The following FOXK1 variants were observed in gnomAD, a reference collection of about 807,000 sequenced individuals.
FOXK1 encodes forkhead box protein K1.
Under a neutral mutation model 51.9 loss-of-function variants are expected in FOXK1, and 19 were observed. The observed-to-expected ratio is 0.37, with a 90% CI of 0.26 to 0.54. The LOEUF (loss-of-function observed/expected upper bound fraction) is 0.54. Ranked by LOEUF, FOXK1 falls within the 20% of genes least tolerant of loss-of-function variation. The pLI is 0.87. For synonymous variants in FOXK1, 537 were observed against 482.6 expected, an observed-to-expected ratio of 1.11 and a Z score of -1.48; for missense variants, 870 against 1,032.7, an observed-to-expected ratio of 0.84 and a Z score of 2.16.
At chr7:4,732,834 C>T (rs953711170) in intron 1 of FOXK1, among the ~76,000 whole-genome samples, 3 of 152,206 alleles carry the variant, frequency 2.0e-5, no homozygotes, top group African/African-American at 4.8e-5. Flanking sequence ...CGCGGGTCTG[C>T]GCTGCACGCC....
intron 2 of FOXK1, among the ~76,000 whole-genome samples, chr7:4,744,446 A>G (rs1404788514): frequency 6.6e-6 from 1 of 151,982 alleles, no homozygotes; most frequent in African/African-American, 2.4e-5. Flanking sequence ...CATTGTTTCG[A>G]TCTTCCTGTT....
chr7:4,704,475 A>G (rs554308853), intron 1 of FOXK1, among the ~76,000 whole-genome samples: 16 of 151,668 alleles, frequency 1.1e-4, no homozygotes, highest in East Asian at 1.9e-4. Flanking sequence ...AAAAGAAAAG[A>G]AAAGGAAACA....
rs1562371851 is a variant in FOXK1, at chr7:4,703,337, G to T, written c.560+20469G>T. Among the ~76,000 whole-genome samples the T allele has an allele frequency of 6.6e-6, 1 of 152,224 alleles. No homozygotes were observed. The highest frequency in any genetic ancestry group is 2.4e-5 in the African/African-American group (1 of 41,452). On this transcript the variant is annotated intron_variant, in intron 1 of 8. Coordinates refer to ENST00000328914, the MANE Select transcript of FOXK1 (RefSeq NM_001037165.2). The surrounding 1 kb of genome is among the most constrained non-coding windows in gnomAD (Gnocchi z 5.6). ...GGGGGCAGAGCATTTAGGACATGGA[G>T]TGGGTAGGGCGTTGTGACAGCCTGG... is the stretch of plus-strand genomic sequence containing the variant.
At chr7:4,686,471 C>T (rs1583178111) in intron 1 of FOXK1, among the ~76,000 whole-genome samples, 2 of 152,196 alleles carry the variant, frequency 1.3e-5, no homozygotes. Context: ...TAGAGCTGAT[C>T]TTGCTCTACT....
chr7:4,705,778 C>CG (rs202180152), intron 1 of FOXK1, among the ~76,000 whole-genome samples: 5 of 148,996 alleles, frequency 3.4e-5, no homozygotes, highest in African/African-American at 5.0e-5. Context: ...ACCTCGTGAC[C>CG]CCCCCCCGCC....
In FOXK1 at chr7:4,726,437, T is replaced by C. The variant is rs368075316; in HGVS notation, c.561-14401T>C. On this transcript the variant is annotated intron_variant, in intron 1 of 8. Coordinates refer to ENST00000328914, the MANE Select transcript of FOXK1 (RefSeq NM_001037165.2). ...GAGTTCGAGACCAGCCTGACCAACA[T>C]GATGAAACCCTGTCTCTACTAAAAA... is the stretch of plus-strand genomic sequence containing the variant. Among the ~76,000 whole-genome samples the C allele has an allele frequency of 2.6e-5, 4 of 152,072 alleles. 1 individual carries two copies. The highest frequency in any genetic ancestry group is 3.9e-4 in the East Asian group (2 of 5,194).
intron 1 of FOXK1, among the ~76,000 whole-genome samples, chr7:4,721,466 A>C (rs1360201200): frequency 3.9e-5 from 6 of 152,172 alleles, no homozygotes. Context: ...GTCGGCTGTC[A>C]GTTAACTTCA....
rs1780512569 is a variant in FOXK1 at position 4,733,785 on chromosome 7, A to T, written c.561-7053A>T. 6.6e-6 allele frequency among the ~76,000 whole-genome samples: 1 copy of T among 152,084 alleles called. No individual in the cohort carries two copies. Among genetic ancestry groups the T allele is most frequent in the Admixed American group, 6.6e-5 (1 of 15,262 alleles). ...GGGTCTGCTGTTTCTCTCACGGGAG[A>T]GGCTGCTCTGAGGTCCCCGAAGCTG... On this transcript the variant is annotated intron_variant, in intron 1 of 8. Coordinates refer to ENST00000328914, the MANE Select transcript of FOXK1 (RefSeq NM_001037165.2). This position sits in a 1 kb window ranked among gnomAD's most constrained non-coding sequence, Gnocchi z 5.0.
Position 4,755,130 on chromosome 7 carries a change from C to T in FOXK1, c.904-107C>T, listed in dbSNP as rs1369926611. On this transcript the variant is annotated intron_variant, in intron 3 of 8. Coordinates refer to ENST00000328914, the MANE Select transcript of FOXK1 (RefSeq NM_001037165.2). The surrounding 1 kb of genome is among the most constrained non-coding windows in gnomAD (Gnocchi z 6.6). ...GGCACTGGGACGGGTGCCGGCAAGA[C>T]GCGCACATTCTCGTGGGAAGGTTCC... 1.2e-5 allele frequency: 17 copies of T among 1,417,544 alleles called. No individual in the cohort carries two copies. The highest frequency in any genetic ancestry group is 7.9e-5 in the Admixed American group (4 of 50,828). The allele number at this position is 1,417,544 out of a possible 1,614,324, so 87.8% of individuals were successfully genotyped here.
chr7:4,767,507 C>T lies in FOXK1; in HGVS notation c.*5043C>T, dbSNP rs529638626. 6.6e-6 allele frequency: 1 copy of T among 152,354 alleles called. No individual in the cohort carries two copies. Among genetic ancestry groups the T allele is most frequent in the South Asian group, 2.1e-4 (1 of 4,834 alleles). 9.4% of individuals were successfully genotyped at this position (152,354 alleles called of 1,614,324 possible). A position where few individuals can be genotyped will look rare whatever the true frequency, so the allele number is the denominator to read the frequency against. On this transcript the variant is annotated 3_prime_UTR_variant, in exon 9 of 9. Coordinates refer to ENST00000328914, the MANE Select transcript of FOXK1 (RefSeq NM_001037165.2). This position sits in a 1 kb window ranked among gnomAD's most constrained non-coding sequence, Gnocchi z 6.6. ...AAAGCAATATTATTTAATGAGAATA[C>T]TTTACATTGCTCACATGTGCTGCTA...
intron 2 of FOXK1, among the ~76,000 whole-genome samples, chr7:4,746,800 C>T (rs1202452499): frequency 6.6e-6 from 1 of 152,248 alleles, no homozygotes; most frequent in Non-Finnish European, 1.5e-5. Flanking sequence ...AGCGGGAATC[C>T]TGCCTGGCTG....
In FOXK1 at chr7:4,758,823, C is replaced by G; in HGVS notation, c.1245-228C>G. 1 of 570,594 alleles carries G rather than the reference C, an allele frequency of 1.8e-6. No individual in the cohort carries two copies. The highest frequency in any genetic ancestry group is 3.1e-6 in the Non-Finnish European group (1 of 324,604). 35.3% of individuals were successfully genotyped at this position (570,594 alleles called of 1,614,324 possible). ...TTCACTGCAGCACCTCACATGATAC[C>G]GTCCCCTCTCATGGAACGGAGCCTC... On this transcript the variant is annotated intron_variant, in intron 5 of 8. Coordinates refer to ENST00000328914, the MANE Select transcript of FOXK1 (RefSeq NM_001037165.2). This position sits in a 1 kb window ranked among gnomAD's most constrained non-coding sequence, Gnocchi z 4.4.
rs1385067696 is a variant in FOXK1, at chr7:4,761,512, G to C, written c.1921+224G>C. Among the ~76,000 whole-genome samples the C allele has an allele frequency of 6.6e-6, 1 of 152,172 alleles. No homozygotes were observed. The highest frequency in any genetic ancestry group is 1.5e-5 in the Non-Finnish European group (1 of 68,044). ...GGAGGCCAAGGCAGGCAGATCGCTT[G>C]AGCTCAGGAGTTCGAGACCAGCCCG... On this transcript the variant is annotated intron_variant, in intron 8 of 8. Transcript: ENST00000328914. The surrounding 1 kb of genome is among the most constrained non-coding windows in gnomAD (Gnocchi z 6.2).
At position 4,682,485 on chromosome 7, in the gene FOXK1, G is replaced by T. The variant is rs1317553706; in HGVS notation, c.177G>T (p.Pro59=). The change falls in exon 1 of 9, where the codon CCG becomes CCT. Residue 59 remains proline (P), a synonymous_variant. Transcript: ENST00000328914. This position sits in a 1 kb window ranked among gnomAD's most constrained non-coding sequence, Gnocchi z 7.6. ...GGCCGCCGCCGCCGCCGCCACCGCC[G>T]CTGCCTCCGGGCGCGATCGCGGGCG... ...PPGPPPPPPP[P]LPPGAIAGAG... is the part of the protein sequence containing the mutation. 3.0e-6 allele frequency: 3 copies of T among 1,001,200 alleles called. No homozygotes were observed. Among genetic ancestry groups the T allele is most frequent in the Non-Finnish European group, 3.6e-6 (3 of 842,354 alleles). The allele number at this position is 1,001,200 out of a possible 1,614,324, so 62.0% of individuals were successfully genotyped here.
chr7:4,744,631 AAGCTCTTGC>A (rs1460948999), intron 2 of FOXK1, among the ~76,000 whole-genome samples: 4 of 152,244 alleles, frequency 2.6e-5, no homozygotes, highest in African/African-American at 7.2e-5. Context: ...TGAGCACCTG[AAGCTCTTGC>A]AGCTGGAGCT....
intron 1 of FOXK1, among the ~76,000 whole-genome samples, chr7:4,737,058 TGTGCATGTGCGTGTGC>T (rs1378317505): frequency 6.6e-6 from 1 of 152,218 alleles, no homozygotes; most frequent in African/African-American, 2.4e-5. Context: ...TGTGCGTGTG[TGTGCATGTGCGTGTGC>T]AAATGTCTTA....
rs1484011443 is a variant in FOXK1, at chr7:4,757,011, C to T, written c.1068C>T (p.Asn356=). The T allele has an allele frequency of 3.7e-6, 6 of 1,613,590 alleles. No homozygotes were observed. The highest frequency in any genetic ancestry group is 1.7e-4 in the Middle Eastern group (1 of 5,916). Residue 356 remains asparagine (N), a synonymous_variant, in exon 5 of 9, where the codon AAC becomes AAT. Coordinates refer to ENST00000328914, the MANE Select transcript of FOXK1 (RefSeq NM_001037165.2). ...CCCTGCAGAATTCTATCCGGCACAA[C>T]CTCTCTTTGAACCGTTACTTTATCA... The part of the protein sequence containing the change: ...DKGWQNSIRH[N]LSLNRYFIKV...
rs1249922990 is a variant in FOXK1, at chr7:4,709,280, T to G, written c.560+26412T>G. Among the ~76,000 whole-genome samples, 1 of 152,056 alleles carries G rather than the reference T, an allele frequency of 6.6e-6. No homozygotes were observed. Among genetic ancestry groups the G allele is most frequent in the Non-Finnish European group, 1.5e-5 (1 of 68,006 alleles). On this transcript the variant is annotated intron_variant, in intron 1 of 8. Transcript: ENST00000328914. The surrounding 1 kb of genome is among the most constrained non-coding windows in gnomAD (Gnocchi z 5.6). ...AATCCCACTGCATGTTTTGGATCTG[T>G]CCGGGATCCCTCCTTGTTAGGCCAG...
At chr7:4,742,305 C>G (rs1780644487) in intron 2 of FOXK1, among the ~76,000 whole-genome samples, 1 of 152,246 alleles carries the variant, frequency 6.6e-6, no homozygotes, top group Admixed American at 6.5e-5. Context: ...GTGGCAATCC[C>G]AGGCTGGTCA....
Sources: allele counts gnomAD v4.1 joint callset (sites outside exome capture counted in the v4.1 genomes callset), GRCh38; gene constraint gnomAD v4.1.1; non-coding constraint Gnocchi (gnomAD v3.1); transcripts MANE v1.5; gene names NCBI Gene and HGNC (gene_info 2026-07-23, HGNC 2026-07-21).